ADGRB1: variants seen among roughly 807,000 people sequenced by gnomAD.
ADGRB1 encodes the protein adhesion G protein-coupled receptor B1, also known as brain-specific angiogenesis inhibitor 1.
ADGRB1 carries 36 observed loss-of-function variants against 175.7 expected under a neutral mutation model. That is an observed-to-expected ratio of 0.20 (90% confidence interval 0.16 to 0.27). The LOEUF is 0.27. Among genes scored for constraint, ADGRB1 ranks in the 10% least tolerant of loss-of-function variants. ADGRB1 has a pLI of 1.00. For synonymous variants in ADGRB1, 1,054 were observed against 979.4 expected (o/e 1.08, Z -1.42); for missense variants, 1,731 against 2,255.3 (o/e 0.77, Z 4.71).
chr8:142,465,069 A>G (rs1840192827), intron 2 of ADGRB1, 87 bp downstream of exon 2: 9 of 569,962 alleles, frequency 1.6e-5, no homozygotes, highest in South Asian at 6.4e-5. Flanking sequence ...GGATGGGGGA[A>G]GTGGGCGGAC....
rs902464445 is a variant in ADGRB1, at chr8:142,464,854, A to G, written c.656A>G (p.Glu219Gly). ...ACCCCCTGCGCCTGCCTGGGCGGCGAGGCGGGCGGCCCTGCCGCGGGACCC... is the reference window on the plus strand; with the variant it reads ...ACCCCCTGCGCCTGCCTGGGCGGCGGGGCGGGCGGCCCTGCCGCGGGACCC... ...MQTPCACLGG[E>G]AGGPAAGPLA... The change falls in exon 2 of 31, where the codon GAG becomes GGG. Residue 219 changes from glutamate to glycine, a missense_variant. This residue lies in a region of ADGRB1 where 383 missense variants were observed against 383.1 expected (regional missense o/e 1.00). Transcript: ENST00000517894. 9.2e-6 allele frequency: 14 copies of G among 1,522,138 alleles called. No individual in the cohort carries two copies. In the African/African-American group the frequency reaches 1.3e-4, roughly 14 times the overall value. The allele number at this position is 1,522,138 out of a possible 1,614,324, so 94.3% of individuals were successfully genotyped here.
intron 1 of ADGRB1, among the ~76,000 whole-genome samples, chr8:142,450,616 C>T (rs188980815): frequency 6.6e-6 from 1 of 152,026 alleles, no homozygotes; most frequent in South Asian, 2.1e-4. Flanking sequence ...GGGCCCCCTA[C>T]AGACATTGTA....
Position 142,543,549 on chromosome 8 carries a change from G to A in ADGRB1, c.4450-52G>A. 6.3e-7 allele frequency: 1 copy of A among 1,582,282 alleles called. No homozygotes were observed. Among genetic ancestry groups the A allele is most frequent in the Non-Finnish European group, 8.6e-7 (1 of 1,163,386 alleles). On this transcript the variant is annotated intron_variant, in intron 29 of 30. Coordinates refer to ENST00000517894, the MANE Select transcript of ADGRB1 (RefSeq NM_001702.3). This position sits in a 1 kb window ranked among gnomAD's most constrained non-coding sequence, Gnocchi z 4.4. ...AGGGGACGGGCGGGGCAGGCAGGAT[G>A]GGCCATGCCCTCCTCCTGGCCCAGG...
intron 13 of ADGRB1, among the ~76,000 whole-genome samples, chr8:142,485,153 C>T (rs1841600573): frequency 6.6e-6 from 1 of 152,250 alleles, no homozygotes; most frequent in Non-Finnish European, 1.5e-5. Context: ...GCCTGGACTC[C>T]ACCCAGCTCC....
intron 17 of ADGRB1, among the ~76,000 whole-genome samples, chr8:142,501,345 C>T (rs1258474113): frequency 1.0e-5 from 1 of 100,096 alleles, no homozygotes; most frequent in Non-Finnish European, 2.1e-5. Flanking sequence ...TGGTGGTGGT[C>T]GTGGTCATAG....
intron 18 of ADGRB1, among the ~76,000 whole-genome samples, chr8:142,516,790 C>T (rs573774353): frequency 4.3e-4 from 65 of 152,198 alleles, no homozygotes; most frequent in African/African-American, 1.4e-3. Flanking sequence ...TGCACCACCC[C>T]GAGGACAAGT....
intron 17 of ADGRB1, among the ~76,000 whole-genome samples, chr8:142,494,269 C>A (rs1307538346): frequency 2.2e-5 from 3 of 136,354 alleles, no homozygotes; most frequent in African/African-American, 8.4e-5. Flanking sequence ...GAGCCCTGAT[C>A]CTGGTCATAG....
chr8:142,515,767 T>C (rs374163269), intron 18 of ADGRB1, among the ~76,000 whole-genome samples: 14 of 152,216 alleles, frequency 9.2e-5, no homozygotes, highest in African/African-American at 3.4e-4. Context: ...AGGTGAGTTT[T>C]GATGGGAGAA....
intron 1 of ADGRB1, among the ~76,000 whole-genome samples, chr8:142,456,448 C>T (rs545687503): frequency 7.9e-5 from 12 of 152,184 alleles, no homozygotes; most frequent in East Asian, 1.9e-4. Flanking sequence ...CTCACCCCCC[C>T]GAAGCACACA....
At chr8:142,524,818 G>T (rs1844078774) in intron 23 of ADGRB1, among the ~76,000 whole-genome samples, 1 of 152,116 alleles carries the variant, frequency 6.6e-6, no homozygotes, top group Non-Finnish European at 1.5e-5. Flanking sequence ...AGGAAGGCAA[G>T]ACTGTGGCAG....
rs777681615 is a variant in ADGRB1 at position 142,489,392 on chromosome 8, G to T, written c.2585G>T (p.Arg862Leu). The stretch of plus-strand genomic sequence containing the variant: ...TCCGTGACTGTGAAACCCCCGCCTC[G>T]CTCCCTGCGCACACCCTTGGAGATC... ...VISVTVKPPPRSLRTPLEIEF... is the reference protein window; with the variant it reads ...VISVTVKPPPLSLRTPLEIEF... The change falls in exon 16 of 31, where the codon CGC (arginine) becomes CTC (leucine). Residue 862 changes from arginine (R) to leucine (L), a missense_variant. Coordinates refer to ENST00000517894, the MANE Select transcript of ADGRB1 (RefSeq NM_001702.3). 2.5e-6 allele frequency: 4 copies of T among 1,612,992 alleles called. No individual in the cohort carries two copies. Among genetic ancestry groups the T allele is most frequent in the Non-Finnish European group, 3.4e-6 (4 of 1,179,846 alleles).
chr8:142,475,521 G>T lies in ADGRB1; in HGVS notation c.832G>T (p.Gly278Trp). The T allele has an allele frequency of 1.5e-6, 2 of 1,294,230 alleles. No homozygotes were observed. 80.2% of individuals were successfully genotyped at this position (1,294,230 alleles called of 1,614,324 possible). Reference sequence around the variant, plus strand: ...GTGGGGCGAATGCACGCGGGACTGCGGGGGAGGCCTCCAGACGCGGACGCG... The same window carrying T: ...GTGGGGCGAATGCACGCGGGACTGCTGGGGAGGCCTCCAGACGCGGACGCG... Reference protein sequence around the residue: ...SLWGECTRDCGGGLQTRTRTC... With the variant: ...SLWGECTRDCWGGLQTRTRTC... The change falls in exon 3 of 31, where the codon GGG becomes TGG. Residue 278 changes from glycine (G) to tryptophan (W), a missense_variant. Physicochemically the swap from Gly to Trp is radical, Grantham distance 184. Transcript: ENST00000517894.
intron 3 of ADGRB1, among the ~76,000 whole-genome samples, chr8:142,475,907 C>CGTGGGA (rs2131782809): frequency 6.6e-6 from 1 of 151,818 alleles, no homozygotes; most frequent in South Asian, 2.1e-4. Flanking sequence ...GGGGCTGGCC[C>CGTGGGA]GTGGGAGTGG....
rs1406639902 is a variant in ADGRB1, at chr8:142,489,140, A to G, written c.2528+30A>G. ...GGAGCCCTGGGCAGGTGGGGTGGGC[A>G]GTGCAGGGCAGGTGGGGTGGGCAGG... On this transcript the variant is annotated intron_variant, in intron 15 of 30. Coordinates refer to ENST00000517894, the MANE Select transcript of ADGRB1 (RefSeq NM_001702.3). 4 of 1,566,108 alleles carry G rather than the reference A, an allele frequency of 2.6e-6. No individual in the cohort carries two copies. The East Asian group carries it at 7.0e-5, about 27-fold the overall frequency.
chr8:142,522,184 C>G (rs1843891088), intron 21 of ADGRB1, 69 bp downstream of exon 21: 1 of 1,559,092 alleles, frequency 6.4e-7, no homozygotes, highest in Admixed American at 1.7e-5. Flanking sequence ...TCTGTCCTGG[C>G]AGCCCCTCCT....
intron 23 of ADGRB1, among the ~76,000 whole-genome samples, chr8:142,525,753 C>G (rs2132160114): frequency 6.6e-6 from 1 of 152,322 alleles, no homozygotes; most frequent in Non-Finnish European, 1.5e-5. Context: ...CTCCCAGCCT[C>G]CAGCTTCTGG....
At chr8:142,485,856 C>T (rs900729768) in intron 13 of ADGRB1, among the ~76,000 whole-genome samples, 4 of 152,156 alleles carry the variant, frequency 2.6e-5, no homozygotes, top group Non-Finnish European at 5.9e-5. Flanking sequence ...TTCTGGAGGC[C>T]GGAAAGTCCA....
At position 142,537,154 on chromosome 8, in the gene ADGRB1, C is replaced by A; in HGVS notation, c.3666+72C>A. ...CCCCCGCCAAGTGCCTCCAGGCCCTCACCGTGCCCCAAGCTCCCCTAGGCC... is the reference window on the plus strand; with the variant it reads ...CCCCCGCCAAGTGCCTCCAGGCCCTAACCGTGCCCCAAGCTCCCCTAGGCC... On this transcript the variant is annotated intron_variant, in intron 26 of 30. Transcript: ENST00000517894. The surrounding 1 kb of genome is among the most constrained non-coding windows in gnomAD (Gnocchi z 4.6). 1 of 1,214,082 alleles carries A rather than the reference C, an allele frequency of 8.2e-7. No homozygotes were observed. The highest frequency in any genetic ancestry group is 1.1e-6 in the Non-Finnish European group (1 of 916,098). 75.2% of individuals were successfully genotyped at this position (1,214,082 alleles called of 1,614,324 possible). A position where few individuals can be genotyped will look rare whatever the true frequency, so the allele number is the denominator to read the frequency against.
intron 2 of ADGRB1, among the ~76,000 whole-genome samples, chr8:142,467,204 CCCA>C (rs977050838): frequency 2.0e-5 from 3 of 152,192 alleles, no homozygotes; most frequent in African/African-American, 7.2e-5. Context: ...CGTGGGAGAT[CCCA>C]CGTTATCTTG....
Sources: gnomAD v4.1 joint callset for allele counts (sites outside exome capture counted in the v4.1 genomes callset) on GRCh38, gnomAD v4.1.1 for gene constraint, gnomAD v4.1.1 regional missense constraint, Gnocchi (gnomAD v3.1) non-coding constraint, MANE v1.5 for transcripts, NCBI Gene and HGNC (gene_info 2026-07-23, HGNC 2026-07-21) for gene names.